Variants in EP300 observed in about 807,000 individuals in gnomAD.
EP300 encodes histone acetyltransferase p300.
In EP300, 31 loss-of-function variants were observed where a neutral mutation model predicts 264.0. The observed-to-expected ratio is 0.12, with a 90% CI of 0.09 to 0.16. The LOEUF (loss-of-function observed/expected upper bound fraction) is 0.16. EP300 is among the 10% of genes least tolerant of loss of function. EP300 has a pLI of 1.00. For synonymous variants in EP300, 1,340 were observed against 1,045.4 expected (o/e 1.28, Z -5.44); for missense variants, 2,766 against 3,052.9 (o/e 0.91, Z 2.21).
chr22:41,104,041 T>G (rs1431564419), intron 1 of EP300, among the ~76,000 whole-genome samples: 1 of 152,224 alleles, frequency 6.6e-6, no homozygotes, highest in African/African-American at 2.4e-5. Context: ...TTCACTCTCC[T>G]TGTTATTTAC....
intron 10 of EP300, among the ~76,000 whole-genome samples, chr22:41,144,403 G>C (rs2058999439): frequency 6.6e-6 from 1 of 151,676 alleles, no homozygotes; most frequent in Non-Finnish European, 1.5e-5. Context: ...CCAGCCTGGA[G>C]TGCAGTGGTG....
At chr22:41,132,498 A>G (rs769726790) in intron 6 of EP300, among the ~76,000 whole-genome samples, 5 of 151,978 alleles carry the variant, frequency 3.3e-5, no homozygotes, top group Admixed American at 1.3e-4. Flanking sequence ...CATGTTGGCC[A>G]TGATGATCTC....
chr22:41,177,675 G>A lies in EP300; in HGVS notation c.5964G>A (p.Gly1988=). 1 of 1,613,898 alleles carries A rather than the reference G, an allele frequency of 6.2e-7. No individual in the cohort carries two copies. Among genetic ancestry groups the A allele is most frequent in the South Asian group, 1.1e-5 (1 of 91,080 alleles). ...GHLEPGMGPT[G]MQQQPPWSQG... ...TGGAGCCAGGGATGGGACCGACAGG[G>A]ATGCAGCAACAGCCACCCTGGAGCC... Residue 1988 remains glycine, a synonymous_variant, in exon 31 of 31, where the codon GGG becomes GGA. Transcript: ENST00000263253.
At chr22:41,116,685 T>C (rs1438491476) in intron 1 of EP300, among the ~76,000 whole-genome samples, 1 of 152,216 alleles carries the variant, frequency 6.6e-6, no homozygotes, top group Non-Finnish European at 1.5e-5. Flanking sequence ...TGTTTAAGTT[T>C]GTTGATATAA....
At chr22:41,155,368 A>G (rs2059071246) in intron 17 of EP300, among the ~76,000 whole-genome samples, 1 of 152,032 alleles carries the variant, frequency 6.6e-6, no homozygotes, top group African/African-American at 2.4e-5. Flanking sequence ...AGCTGGGATA[A>G]CTACATTCAT....
At chr22:41,175,722 C>T (rs920936574) in intron 29 of EP300, among the ~76,000 whole-genome samples, 2 of 152,196 alleles carry the variant, frequency 1.3e-5, no homozygotes, top group Non-Finnish European at 2.9e-5. Context: ...AGTAGACTGC[C>T]TTGAGGCAAA....
chr22:41,104,062 G>A (rs2058745356), intron 1 of EP300, among the ~76,000 whole-genome samples: 1 of 152,052 alleles, frequency 6.6e-6, no homozygotes, highest in Non-Finnish European at 1.5e-5. Context: ...AGATATGCAA[G>A]GTTTTTTTGT....
Position 41,092,962 on chromosome 22 carries a change from A to G in EP300, c.-43A>G. ...CCCGGGCCGAAGAAGAGATTTCCTG[A>G]GGATTCTGGTTTTCCTCGCTTGTAT... On this transcript the variant is annotated 5_prime_UTR_variant, in exon 1 of 31. Coordinates refer to ENST00000263253, the MANE Select transcript of EP300 (RefSeq NM_001429.4). 2 of 1,609,260 alleles carry G rather than the reference A, an allele frequency of 1.2e-6. No homozygotes were observed. The highest frequency in any genetic ancestry group is 1.1e-5 in the South Asian group (1 of 90,992).
rs749822975 is a variant in EP300, at chr22:41,178,614, T to C, written c.6903T>C (p.Asn2301=). 1 of 1,613,966 alleles carries C rather than the reference T, an allele frequency of 6.2e-7. No individual in the cohort carries two copies. The highest frequency in any genetic ancestry group is 2.2e-5 in the East Asian group (1 of 44,864). Residue 2301 remains asparagine, a synonymous_variant, in exon 31 of 31, where the codon AAT becomes AAC. Transcript: ENST00000263253. Reference sequence around the variant, plus strand: ...ACCTACAAGGCCAGCAGATCCCTAATTCTCTCTCCAATCAAGTGCGCTCTC... The same window carrying C: ...ACCTACAAGGCCAGCAGATCCCTAACTCTCTCTCCAATCAAGTGCGCTCTC... The part of the protein sequence containing the change: ...SPHLQGQQIP[N]SLSNQVRSPQ...
rs747329417 is a variant in EP300 at position 41,177,173 on chromosome 22, G to A, written c.5462G>A (p.Arg1821Gln). The A allele has an allele frequency of 1.2e-6, 2 of 1,613,916 alleles. No individual in the cohort carries two copies. The highest frequency in any genetic ancestry group is 8.5e-7 in the Non-Finnish European group (1 of 1,180,018). ...QKLRQQQLQH[R>Q]LQQAQMLRRR... ...CTCCGGCAGCAACAGCTGCAGCACC[G>A]ACTACAGCAGGCCCAAATGCTTCGC... The change falls in exon 31 of 31, where the codon CGA (arginine) becomes CAA (glutamine). Residue 1821 changes from arginine to glutamine, a missense_variant. Coordinates refer to ENST00000263253, the MANE Select transcript of EP300 (RefSeq NM_001429.4).
intron 20 of EP300, among the ~76,000 whole-genome samples, chr22:41,161,491 CCTGTAGTCCCAGCTACT>C (rs2059108209): frequency 6.6e-6 from 1 of 152,098 alleles, no homozygotes; most frequent in African/African-American, 2.4e-5. Flanking sequence ...GTGGTGGGCG[CCTGTAGTCCCAGCTACT>C]CGGGAGGCTG....
chr22:41,140,965 C>T, intron 9 of EP300, 83 bp from the exon 10 acceptor site: 2 of 1,290,642 alleles, frequency 1.5e-6, no homozygotes, highest in South Asian at 1.3e-5. Flanking sequence ...AAACTAATAT[C>T]TATTCTCAGT....
At chr22:41,135,485 A>G (rs887349975) in intron 6 of EP300, among the ~76,000 whole-genome samples, 8 of 151,392 alleles carry the variant, frequency 5.3e-5, no homozygotes, top group African/African-American at 1.9e-4. Context: ...AGATTACTCA[A>G]GTTCCCTTTG....
Position 41,176,263 on chromosome 22 carries a change from G to A in EP300, c.4796G>A (p.Arg1599His), listed in dbSNP as rs1204823509. ...GTTTTTCAGGTCTTCTTTGTGATCC[G>A]CCTCATTGCTGGCCCTGCTGCCAAC... ...EKHKEVFFVI[R>H]LIAGPAANSL... Residue 1599 changes from arginine to histidine, a missense_variant, in exon 30 of 31, where the codon CGC becomes CAC. Transcript: ENST00000263253. 5 of 1,614,036 alleles carry A rather than the reference G, an allele frequency of 3.1e-6. No homozygotes were observed. Among genetic ancestry groups the A allele is most frequent in the South Asian group, 1.1e-5 (1 of 91,086 alleles).
intron 14 of EP300, 111 bp from the exon 15 acceptor site, chr22:41,151,722 G>A (rs2059046509): frequency 2.7e-6 from 3 of 1,090,944 alleles, no homozygotes; most frequent in East Asian, 2.4e-5. Context: ...ATAAATATAA[G>A]CCAAGAAATA....
chr22:41,126,354 C>T, intron 3 of EP300: 1 of 270,370 alleles, frequency 3.7e-6, no homozygotes, highest in Non-Finnish European at 7.1e-6. Context: ...GAAAGCGGAA[C>T]CTTTCACTTT....
chr22:41,136,646 G>A (rs553414270), intron 7 of EP300, among the ~76,000 whole-genome samples: 1 of 152,158 alleles, frequency 6.6e-6, no homozygotes, highest in Non-Finnish European at 1.5e-5. Flanking sequence ...GGGTGACAGC[G>A]AGACTGTGTC....
intron 22 of EP300, among the ~76,000 whole-genome samples, chr22:41,165,413 A>G (rs1322454449): frequency 2.6e-5 from 4 of 152,086 alleles, no homozygotes; most frequent in Non-Finnish European, 5.9e-5. Flanking sequence ...TGTACATACA[A>G]TCATACATTT....
intron 10 of EP300, among the ~76,000 whole-genome samples, chr22:41,143,383 T>G (rs888905858): frequency 2.0e-5 from 3 of 151,950 alleles, no homozygotes; most frequent in African/African-American, 7.3e-5. Flanking sequence ...GCCCAGGAGG[T>G]CAAGGCTGCA....
Sources: allele counts gnomAD v4.1 joint callset (sites outside exome capture counted in the v4.1 genomes callset), GRCh38; gene constraint gnomAD v4.1.1; transcripts MANE v1.5; gene names NCBI Gene and HGNC (gene_info 2026-07-23, HGNC 2026-07-21).